Variants in PDGFC observed in about 807,000 individuals in gnomAD.
The protein encoded by PDGFC is platelet-derived growth factor C.
Under a neutral mutation model 35.5 loss-of-function variants are expected in PDGFC, and 12 were observed. The observed-to-expected ratio is 0.34, with a 90% CI of 0.22 to 0.55. The LOEUF is 0.55. PDGFC is among the 20% of genes least tolerant of loss of function. The pLI, the probability that PDGFC is intolerant of heterozygous loss-of-function variation, is 0.91. For missense variants in PDGFC, 322 were observed against 412.4 expected (o/e 0.78, Z 1.90); for synonymous variants, 159 against 148.8 (o/e 1.07, Z -0.50).
intron 1 of PDGFC, among the ~76,000 whole-genome samples, chr4:156,955,381 TAAATG>T: frequency 6.6e-6 from 1 of 152,072 alleles, no homozygotes; most frequent in African/African-American, 2.4e-5. Flanking sequence ...GAGTAGGTCT[TAAATG>T]TTTTCACCAC....
intron 2 of PDGFC, among the ~76,000 whole-genome samples, chr4:156,832,449 G>T (rs1463946060): frequency 1.3e-5 from 2 of 151,766 alleles, no homozygotes; most frequent in African/African-American, 4.8e-5. Context: ...TAGAGACAGG[G>T]TTTCGCCATG....
chr4:156,823,331 T>C (rs1579033435), intron 2 of PDGFC, among the ~76,000 whole-genome samples: 1 of 152,212 alleles, frequency 6.6e-6, no homozygotes, highest in Non-Finnish European at 1.5e-5. Flanking sequence ...ATCTGTAAAA[T>C]GGGGAAAATA....
At chr4:156,857,406 T>C (rs1017991914) in intron 1 of PDGFC, among the ~76,000 whole-genome samples, 7 of 152,104 alleles carry the variant, frequency 4.6e-5, no homozygotes, top group Non-Finnish European at 1.0e-4. Flanking sequence ...TTCTACAGCT[T>C]AATTAAAGAA....
intron 2 of PDGFC, among the ~76,000 whole-genome samples, chr4:156,843,158 T>C (rs1334647217): frequency 6.6e-6 from 1 of 152,146 alleles, no homozygotes; most frequent in African/African-American, 2.4e-5. Context: ...GATTAGGTCA[T>C]GAACGGGATC....
At chr4:156,897,350 A>ATGTGTATG (rs1730658266) in intron 1 of PDGFC, among the ~76,000 whole-genome samples, 1 of 142,986 alleles carries the variant, frequency 7.0e-6, no homozygotes, top group South Asian at 2.3e-4. Flanking sequence ...GTGAGAGTGT[A>ATGTGTATG]TGTGTGTGTG....
intron 1 of PDGFC, among the ~76,000 whole-genome samples, chr4:156,935,123 G>A (rs1005673320): frequency 2.0e-5 from 3 of 151,894 alleles, no homozygotes; most frequent in African/African-American, 4.8e-5. Flanking sequence ...TCAGCCTCCC[G>A]AGTGGCTGGG....
intron 1 of PDGFC, among the ~76,000 whole-genome samples, chr4:156,938,735 A>G: frequency 6.6e-6 from 1 of 151,900 alleles, no homozygotes; most frequent in East Asian, 1.9e-4. Flanking sequence ...AATTTTAGGC[A>G]CTTTATTCAA....
intron 1 of PDGFC, among the ~76,000 whole-genome samples, chr4:156,935,591 T>A (rs1579110691): frequency 6.6e-6 from 1 of 152,266 alleles, no homozygotes; most frequent in East Asian, 1.9e-4. Flanking sequence ...CTGTCATATA[T>A]GTGGTCCATC....
intron 1 of PDGFC, among the ~76,000 whole-genome samples, chr4:156,883,318 T>C (rs561559425): frequency 6.6e-6 from 1 of 152,168 alleles, no homozygotes; most frequent in Non-Finnish European, 1.5e-5. Context: ...TTGATTATAC[T>C]CAATGGAAAG....
intron 2 of PDGFC, among the ~76,000 whole-genome samples, chr4:156,817,074 C>T (rs772781327): frequency 6.6e-6 from 1 of 151,868 alleles, no homozygotes; most frequent in African/African-American, 2.4e-5. Context: ...CTCATGAAAC[C>T]ATGAAGAGTT....
chr4:156,840,549 A>C (rs572464090), intron 2 of PDGFC, among the ~76,000 whole-genome samples: 1 of 152,332 alleles, frequency 6.6e-6, no homozygotes, highest in South Asian at 2.1e-4. Context: ...GGAAATGTGG[A>C]GTTGAATCCC....
At position 156,826,174 on chromosome 4, in the gene PDGFC, A is replaced by ATTTTTTTTTTT. The variant is rs59421806; in HGVS notation, c.315-15168_315-15158dup. ...GCCACCATATCCAGCTTTGAGTTGG[A>ATTTTTTTTTTT]TTTTTTTTTTTTTTTTTTTTTTTTT... On this transcript the variant is annotated intron_variant, in intron 2 of 5. Coordinates refer to ENST00000502773, the MANE Select transcript of PDGFC (RefSeq NM_016205.3). Among the ~76,000 whole-genome samples the ATTTTTTTTTTT allele has an allele frequency of 2.7e-3, 120 of 43,790 alleles. 19 individuals are homozygous for ATTTTTTTTTTT. The highest frequency in any genetic ancestry group is 3.9e-3 in the Admixed American group (8 of 2,032). The allele number at this position is 43,790 out of a possible 152,430, so 28.7% of individuals were successfully genotyped here.
intron 1 of PDGFC, among the ~76,000 whole-genome samples, chr4:156,890,026 AGTTAATACAT>A (rs1730466635): frequency 6.6e-6 from 1 of 152,082 alleles, no homozygotes; most frequent in Non-Finnish European, 1.5e-5. Flanking sequence ...AGCTCCTCTG[AGTTAATACAT>A]GCTATCATCC....
intron 3 of PDGFC, among the ~76,000 whole-genome samples, chr4:156,786,285 T>A (rs1372111483): frequency 6.6e-6 from 1 of 152,024 alleles, no homozygotes; most frequent in African/African-American, 2.4e-5. Flanking sequence ...ATGCACAACA[T>A]AAATAATGCA....
chr4:156,862,204 A>G (rs142014039), intron 1 of PDGFC, among the ~76,000 whole-genome samples: 16 of 152,344 alleles, frequency 1.1e-4, no homozygotes, highest in African/African-American at 3.1e-4. Flanking sequence ...AATAAAATAA[A>G]TCCTCTGAAA....
chr4:156,885,720 A>G (rs1346148788), intron 1 of PDGFC, among the ~76,000 whole-genome samples: 1 of 152,014 alleles, frequency 6.6e-6, no homozygotes, highest in Non-Finnish European at 1.5e-5. Flanking sequence ...GCGAGACTCC[A>G]CCTCTACAAA....
intron 1 of PDGFC, among the ~76,000 whole-genome samples, chr4:156,898,592 C>T (rs529053773): frequency 6.2e-4 from 95 of 152,232 alleles, no homozygotes; most frequent in African/African-American, 2.1e-3. Context: ...TGTCCTCTTA[C>T]GCAACTTAAA....
intron 1 of PDGFC, among the ~76,000 whole-genome samples, chr4:156,919,562 C>T (rs979838011): frequency 6.6e-6 from 1 of 152,080 alleles, no homozygotes; most frequent in Non-Finnish European, 1.5e-5. Context: ...AAGCAATTGC[C>T]TAACTGGTTT....
rs550464467 is a variant in PDGFC at position 156,765,252 on chromosome 4, G to A, written c.922-2046C>T. On this transcript the variant is annotated intron_variant, in intron 5 of 5. Transcript: ENST00000502773. ...AAATAGACTTGGAAAATGATCAGCA[G>A]GTCCCAGACAATATTAAAGAGGAAA... Among the ~76,000 whole-genome samples, 5 of 152,240 alleles carry A rather than the reference G, an allele frequency of 3.3e-5. No individual in the cohort carries two copies. The South Asian group carries it at 8.3e-4, about 25-fold the overall frequency.
Sources: allele counts gnomAD v4.1 joint callset (sites outside exome capture counted in the v4.1 genomes callset), GRCh38; gene constraint gnomAD v4.1.1; transcripts MANE v1.5; gene names NCBI Gene and HGNC (gene_info 2026-07-23, HGNC 2026-07-21).